CD300LG: variants seen among roughly 807,000 people sequenced by gnomAD.
CD300LG encodes CD300 molecule like family member g, also known as CMRF35-like molecule 9.
In CD300LG, 29 loss-of-function variants were observed where a neutral mutation model predicts 31.5. The observed-to-expected ratio is 0.92, with a 90% CI of 0.68 to 1.25. CD300LG has a LOEUF of 1.25. Ranked by LOEUF, CD300LG falls within the 50% of genes most tolerant of loss-of-function variation. CD300LG has a pLI of 0.00. For missense variants in CD300LG, 396 were observed against 417.6 expected (o/e 0.95, Z 0.45); for synonymous variants, 175 against 177.2 (o/e 0.99, Z 0.10).
rs1464091489 is a variant in CD300LG at position 43,848,682 on chromosome 17, C to T, written c.168C>T (p.Ile56=). 1 of 1,613,932 alleles carries T rather than the reference C, an allele frequency of 6.2e-7. No homozygotes were observed. Among genetic ancestry groups the T allele is most frequent in the Non-Finnish European group, 8.5e-7 (1 of 1,180,016 alleles). Reference sequence around the variant, plus strand: ...AGTACTGGTGCAGGAAGGGTGGGATCCTCTTCTCTCGCTGCTCTGGCACCA... The same window carrying T: ...AGTACTGGTGCAGGAAGGGTGGGATTCTCTTCTCTCGCTGCTCTGGCACCA... ...HRKYWCRKGG[I]LFSRCSGTIY... Residue 56 remains isoleucine (I), a synonymous_variant, in exon 2 of 7, where the codon ATC becomes ATT. Transcript: ENST00000317310.
In CD300LG at chr17:43,858,035, C is replaced by T. The variant is rs1300246139; in HGVS notation, c.885+879C>T. On this transcript the variant is annotated intron_variant, in intron 6 of 6. Coordinates refer to ENST00000317310, the MANE Select transcript of CD300LG (RefSeq NM_145273.4). ...GCACTTCAGGCAACAGAAGCCCCTC[C>T]TGGCCCCTCCTCCCTCTGCTGTTTA... 3 of 1,444,484 alleles carry T rather than the reference C, an allele frequency of 2.1e-6. No individual in the cohort carries two copies. In the East Asian group the frequency reaches 7.5e-5, roughly 36 times the overall value. 89.5% of individuals were successfully genotyped at this position (1,444,484 alleles called of 1,614,324 possible). A position where few individuals can be genotyped will look rare whatever the true frequency, so the allele number is the denominator to read the frequency against.
chr17:43,847,400 T>TGGGGGGGGGGG, intron 1 of CD300LG, 141 bp downstream of exon 1: 1 of 325,848 alleles, frequency 3.1e-6, no homozygotes, highest in Non-Finnish European at 5.7e-6. Flanking sequence ...GGGCTGGGGG[T>TGGGGGGGGGGG]GGGGGGAGGT....
intron 6 of CD300LG, 74 bp downstream of exon 6, chr17:43,857,230 C>A: frequency 6.4e-7 from 1 of 1,563,414 alleles, no homozygotes; most frequent in Non-Finnish European, 8.8e-7. Context: ...TGGGCTTTGC[C>A]TCTGTGACTT....
chr17:43,861,148 C>T, intron 6 of CD300LG: 1 of 985,374 alleles, frequency 1.0e-6, no homozygotes, highest in Non-Finnish European at 1.2e-6. Context: ...TGGGGAATGG[C>T]CGGGACCCAG....
chr17:43,857,563 G>T, intron 6 of CD300LG: 1 of 1,341,808 alleles, frequency 7.5e-7, no homozygotes. Flanking sequence ...AACGCCCAGG[G>T]GTCAGGGAGC....
intron 2 of CD300LG, among the ~76,000 whole-genome samples, chr17:43,851,969 AG>A (rs1350956357): frequency 3.9e-5 from 6 of 152,108 alleles, no homozygotes; most frequent in Non-Finnish European, 7.4e-5. Flanking sequence ...CTTCCAGGGA[AG>A]ACATTACAGA....
At chr17:43,858,338 C>T in intron 6 of CD300LG, 2 of 997,862 alleles carry the variant, frequency 2.0e-6, no homozygotes, top group Non-Finnish European at 2.4e-6. Context: ...CCAAGCCCGG[C>T]CTCCTGGCTC....
At chr17:43,856,783 G>A (rs2046534740) in intron 5 of CD300LG, among the ~76,000 whole-genome samples, 1 of 152,222 alleles carries the variant, frequency 6.6e-6, no homozygotes, top group Admixed American at 6.5e-5. Context: ...TACTGAATTA[G>A]ACTCTGCACT....
chr17:43,854,561 G>C (rs1249965160), intron 4 of CD300LG, among the ~76,000 whole-genome samples: 1 of 152,134 alleles, frequency 6.6e-6, no homozygotes, highest in Non-Finnish European at 1.5e-5. Context: ...ACCTGACAGG[G>C]CTGATGGGAC....
At chr17:43,859,180 A>G (rs1382893424) in intron 6 of CD300LG, among the ~76,000 whole-genome samples, 1 of 152,116 alleles carries the variant, frequency 6.6e-6, no homozygotes, top group African/African-American at 2.4e-5. Context: ...AATGGAGCCA[A>G]GTTCGCAGCC....
intron 6 of CD300LG, chr17:43,857,431 CTCCAGGCGCCTTCTT>C: frequency 6.5e-7 from 1 of 1,537,204 alleles, no homozygotes; most frequent in East Asian, 2.4e-5. Flanking sequence ...TGAGCATCTT[CTCCAGGCGCCTTCTT>C]TCCATCCCCC....
In CD300LG at chr17:43,848,676, TG is replaced by T. The variant is rs2046256335; in HGVS notation, c.165del (p.Ile56SerfsTer20). 6.2e-7 allele frequency: 1 copy of T among 1,613,224 alleles called. No individual in the cohort carries two copies. Among genetic ancestry groups the T allele is most frequent in the Non-Finnish European group, 8.5e-7 (1 of 1,179,758 alleles). ...ACCGGAAGTACTGGTGCAGGAAGGG[TG>T]GGATCCTCTTCTCTCGCTGCTCTGG... The part of the protein sequence containing the change: ...DHRKYWCRKG[G>X]ILFSRCSGTI... On this transcript the variant is annotated frameshift_variant, in exon 2 of 7. Transcript: ENST00000317310. LOFTEE classifies it high-confidence loss of function.
chr17:43,861,790 C>G lies in CD300LG; in HGVS notation c.886-8C>G, dbSNP rs1232499391. On this transcript the variant is annotated splice_polypyrimidine_tract_variant and splice_region_variant and intron_variant, in intron 6 of 6. Transcript: ENST00000317310. Reference sequence around the variant, plus strand: ...TCTGCTCTCCAAACCCCACTGTTGTCTTTACAGACTGCGGAGGAAAAGGAA... The same window carrying G: ...TCTGCTCTCCAAACCCCACTGTTGTGTTTACAGACTGCGGAGGAAAAGGAA... The G allele has an allele frequency of 1.9e-6, 3 of 1,587,122 alleles. No individual in the cohort carries two copies. In the East Asian group the frequency reaches 6.8e-5, roughly 36 times the overall value.
chr17:43,858,579 G>C, intron 6 of CD300LG: 2 of 985,422 alleles, frequency 2.0e-6, no homozygotes, highest in South Asian at 9.4e-5. Flanking sequence ...TCTAGGGGGC[G>C]GCCCCTTGTT....
At chr17:43,851,549 A>C (rs1286706326) in intron 2 of CD300LG, among the ~76,000 whole-genome samples, 1 of 152,102 alleles carries the variant, frequency 6.6e-6, no homozygotes, top group Non-Finnish European at 1.5e-5. Flanking sequence ...GGGAAGTGAC[A>C]GATGGACTTG....
intron 6 of CD300LG, chr17:43,861,140 G>A: frequency 1.0e-6 from 1 of 985,390 alleles, no homozygotes; most frequent in Non-Finnish European, 1.2e-6. Context: ...ACAGCCACTG[G>A]GGAATGGCCG....
rs113781821 is a variant in CD300LG at position 43,858,893 on chromosome 17, C to G, written c.885+1737C>G. On this transcript the variant is annotated intron_variant, in intron 6 of 6. Coordinates refer to ENST00000317310, the MANE Select transcript of CD300LG (RefSeq NM_145273.4). ...TAAGAGATCTTGCTAGAAGGACTGC[C>G]ATCCATCCATTCGTCTGCCTCATCT... Among the ~76,000 whole-genome samples, 479 of 152,236 alleles carry G rather than the reference C, an allele frequency of 3.1e-3. 3 individuals carry two copies. Among genetic ancestry groups the G allele is most frequent in the African/African-American group, 0.011 (459 of 41,506 alleles).
chr17:43,852,149 GAA>G (rs1258957761), intron 2 of CD300LG, among the ~76,000 whole-genome samples: 3 of 152,056 alleles, frequency 2.0e-5, no homozygotes, highest in Non-Finnish European at 2.9e-5. Context: ...ACCGAACAGA[GAA>G]AGAGGCGAAG....
intron 6 of CD300LG, chr17:43,857,976 A>G: frequency 6.6e-7 from 1 of 1,510,082 alleles, no homozygotes; most frequent in Non-Finnish European, 8.8e-7. Context: ...GTGCCCTCCG[A>G]GGCCAGCACT....
Sources: allele counts gnomAD v4.1 joint callset (sites outside exome capture counted in the v4.1 genomes callset), GRCh38; gene constraint gnomAD v4.1.1; transcripts MANE v1.5; gene names NCBI Gene and HGNC (gene_info 2026-07-23, HGNC 2026-07-21).